THSD4: variants seen among roughly 807,000 people sequenced by gnomAD.
THSD4 encodes thrombospondin type-1 domain-containing protein 4.
In THSD4, 69 loss-of-function variants were observed where a neutral mutation model predicts 119.0. The observed-to-expected ratio is 0.58, with a 90% CI of 0.48 to 0.71. THSD4 has a LOEUF of 0.71. Among genes scored for constraint, THSD4 ranks in the 30% least tolerant of loss-of-function variants. The pLI, the probability that THSD4 is intolerant of heterozygous loss-of-function variation, is 0.00. For missense variants in THSD4, 1,393 were observed against 1,391.1 expected (o/e 1.00, Z -0.02); for synonymous variants, 524 against 540.4 (o/e 0.97, Z 0.42).
intron 6 of THSD4, among the ~76,000 whole-genome samples, chr15:71,285,970 A>T (rs997698753): frequency 6.7e-6 from 1 of 149,582 alleles, no homozygotes. Flanking sequence ...GCTAATACTC[A>T]GGTTTTTTTC....
At chr15:71,356,579 G>C (rs1172353031) in intron 6 of THSD4, among the ~76,000 whole-genome samples, 1 of 152,142 alleles carries the variant, frequency 6.6e-6, no homozygotes, top group Non-Finnish European at 1.5e-5. Flanking sequence ...GGAAGGAAAG[G>C]GAGAAAAGGA....
chr15:71,451,957 C>T (rs536123727), intron 7 of THSD4, among the ~76,000 whole-genome samples: 20 of 152,268 alleles, frequency 1.3e-4, no homozygotes, highest in African/African-American at 4.3e-4. Flanking sequence ...CACAGGGAGG[C>T]GACTCTTGGT....
intron 11 of THSD4, among the ~76,000 whole-genome samples, chr15:71,738,609 T>G (rs2053174598): frequency 6.6e-6 from 1 of 152,192 alleles, no homozygotes; most frequent in African/African-American, 2.4e-5. Flanking sequence ...GGCGCCAGCT[T>G]CCAGGTGTTG....
intron 8 of THSD4, among the ~76,000 whole-genome samples, chr15:71,710,797 A>T (rs2141091026): frequency 6.6e-6 from 1 of 152,150 alleles, no homozygotes; most frequent in East Asian, 1.9e-4. Flanking sequence ...TCTGTTCCAC[A>T]CAGACTCTAG....
intron 4 of THSD4, among the ~76,000 whole-genome samples, chr15:71,225,256 G>T (rs967191315): frequency 6.6e-6 from 1 of 152,044 alleles, no homozygotes; most frequent in African/African-American, 2.4e-5. Context: ...GCCCAAGGCA[G>T]CCAGTATAGA....
chr15:71,201,993 AG>A (rs1467920222), intron 3 of THSD4, among the ~76,000 whole-genome samples: 1 of 152,134 alleles, frequency 6.6e-6, no homozygotes, highest in Non-Finnish European at 1.5e-5. Flanking sequence ...ATCTGTTAAG[AG>A]GGGCCCCTTT....
At chr15:71,756,786 G>GA (rs1411577751) in intron 14 of THSD4, among the ~76,000 whole-genome samples, 1 of 151,878 alleles carries the variant, frequency 6.6e-6, no homozygotes, top group Non-Finnish European at 1.5e-5. Flanking sequence ...AACCTGTCTC[G>GA]AAAAAAAGAA....
At chr15:71,170,074 T>C (rs1442138233) in intron 3 of THSD4, among the ~76,000 whole-genome samples, 1 of 152,104 alleles carries the variant, frequency 6.6e-6, no homozygotes, top group Non-Finnish European at 1.5e-5. Flanking sequence ...CTCGGGAAGC[T>C]GAAGCGGGAG....
intron 6 of THSD4, chr15:71,348,293 G>A (rs1393783434): frequency 6.6e-6 from 1 of 152,154 alleles, no homozygotes; most frequent in East Asian, 1.9e-4. Flanking sequence ...TAGAATGCAG[G>A]TTCTGATTCA....
At chr15:71,500,719 C>A (rs1270965492) in intron 7 of THSD4, among the ~76,000 whole-genome samples, 6 of 152,212 alleles carry the variant, frequency 3.9e-5, no homozygotes, top group Non-Finnish European at 7.3e-5. Context: ...CCCAATACCA[C>A]GTGTTGGAGA....
At chr15:71,520,456 G>A (rs1489283204) in intron 7 of THSD4, among the ~76,000 whole-genome samples, 1 of 152,186 alleles carries the variant, frequency 6.6e-6, no homozygotes, top group Non-Finnish European at 1.5e-5. Flanking sequence ...TCCTCACTGG[G>A]ATTGCTTTCT....
chr15:71,645,051 G>A lies in THSD4; in HGVS notation c.1153-15479G>A, dbSNP rs146786015. ...CTATCATTATTTAAAAACACAAGTC[G>A]AACAGTGATTTCCTTGCAGCCCTCA... is the stretch of plus-strand genomic sequence containing the variant. On this transcript the variant is annotated intron_variant, in intron 7 of 17. Coordinates refer to ENST00000261862, the MANE Select transcript of THSD4 (RefSeq NM_024817.3). 2.0e-3 allele frequency among the ~76,000 whole-genome samples: 307 copies of A among 152,164 alleles called. 1 individual carries two copies. Among genetic ancestry groups the A allele is most frequent in the African/African-American group, 7.1e-3 (293 of 41,516 alleles).
chr15:71,454,740 G>T (rs1224428273), intron 7 of THSD4, among the ~76,000 whole-genome samples: 1 of 152,202 alleles, frequency 6.6e-6, no homozygotes, highest in African/African-American at 2.4e-5. Flanking sequence ...GTGTTGGCAG[G>T]CTAGTTTCCC....
chr15:71,561,613 C>A (rs1307973652), intron 7 of THSD4, among the ~76,000 whole-genome samples: 2 of 152,086 alleles, frequency 1.3e-5, no homozygotes, highest in Non-Finnish European at 2.9e-5. Flanking sequence ...AGTCAGGAAT[C>A]CGGAGTGTAG....
At chr15:71,242,560 TG>T in intron 4 of THSD4, 88 bp from the exon 5 acceptor site, 2 of 1,403,166 alleles carry the variant, frequency 1.4e-6, no homozygotes, top group African/African-American at 1.4e-5. Context: ...CGTTCCTACC[TG>T]GTCCTCTCTA....
rs530105717 is a variant in THSD4, at chr15:71,489,479, T to C, written c.1152+77656T>C. On this transcript the variant is annotated intron_variant, in intron 7 of 17. Coordinates refer to ENST00000261862, the MANE Select transcript of THSD4 (RefSeq NM_024817.3). The stretch of plus-strand genomic sequence containing the variant: ...CCCAGCTGCTGCCCAGCTCACCATC[T>C]TCTGTGGGGACTCCTCTGCAGGCGA... 1.8e-4 allele frequency among the ~76,000 whole-genome samples: 27 copies of C among 152,306 alleles called. 1 individual carries two copies. In the South Asian group the frequency reaches 5.2e-3, roughly 29 times the overall value.
intron 6 of THSD4, among the ~76,000 whole-genome samples, chr15:71,345,037 G>T (rs1032703533): frequency 2.0e-5 from 3 of 152,016 alleles, no homozygotes; most frequent in Non-Finnish European, 4.4e-5. Flanking sequence ...AGAGAAAATC[G>T]GGAGACAAAG....
intron 8 of THSD4, among the ~76,000 whole-genome samples, chr15:71,727,567 TATATATATATATATATATATAC>T (rs2052876981): frequency 2.2e-5 from 2 of 91,980 alleles, no homozygotes; most frequent in African/African-American, 7.3e-5. Context: ...TATATATATA[TATATATATATATATATATATAC>T]ACACACACAC....
At chr15:71,750,587 G>T (rs901493608) in intron 14 of THSD4, among the ~76,000 whole-genome samples, 2 of 152,176 alleles carry the variant, frequency 1.3e-5, no homozygotes, top group African/African-American at 4.8e-5. Context: ...ACACCTCATG[G>T]CATATGGCCC....
Sources: gnomAD v4.1 joint callset for allele counts (sites outside exome capture counted in the v4.1 genomes callset) on GRCh38, gnomAD v4.1.1 for gene constraint, MANE v1.5 for transcripts, NCBI Gene and HGNC (gene_info 2026-07-23, HGNC 2026-07-21) for gene names.